Variants in RNF157 observed in about 807,000 individuals in gnomAD.
The protein encoded by RNF157 is E3 ubiquitin ligase RNF157.
In RNF157, 55 loss-of-function variants were observed where a neutral mutation model predicts 88.3. That is an observed-to-expected ratio of 0.62 (90% CI 0.50 to 0.78). The LOEUF is 0.78. Ranked by LOEUF, RNF157 falls within the 30% of genes least tolerant of loss-of-function variation. RNF157 has a pLI of 0.00. For synonymous variants in RNF157, 334 were observed against 341.2 expected (o/e 0.98, Z 0.23); for missense variants, 788 against 860.8 (o/e 0.92, Z 1.06).
chr17:76,211,708 CA>C (rs1459222012), intron 2 of RNF157, among the ~76,000 whole-genome samples: 1 of 152,198 alleles, frequency 6.6e-6, no homozygotes, highest in Non-Finnish European at 1.5e-5. Flanking sequence ...TCATATGGAA[CA>C]GGGGTCTCTA....
chr17:76,175,683 T>C (rs1335431474), intron 2 of RNF157: 1 of 864,336 alleles, frequency 1.2e-6, no homozygotes. Context: ...AAAATTTTTT[T>C]CTGGAGTAGC....
Position 76,176,560 on chromosome 17 carries a change from T to C in RNF157, c.208-2770A>G, listed in dbSNP as rs1350390602. 1.3e-5 allele frequency among the ~76,000 whole-genome samples: 2 copies of C among 152,216 alleles called. No individual in the cohort carries two copies. The highest frequency in any genetic ancestry group is 2.4e-5 in the African/African-American group (1 of 41,460). ...ATTGAGTGCTTACTATTGATGACAG[T>C]GGTGGGCTGTCCAGAGCAGCCGCTG... On this transcript the variant is annotated intron_variant, in intron 2 of 18. Transcript: ENST00000269391. This position sits in a 1 kb window ranked among gnomAD's most constrained non-coding sequence, Gnocchi z 4.2.
At chr17:76,167,600 G>A (rs1034551377) in intron 4 of RNF157, 51 bp downstream of exon 4, 1 of 1,610,814 alleles carries the variant, frequency 6.2e-7, no homozygotes. Flanking sequence ...CTCTTCCGTG[G>A]CCTGGTAATA....
At chr17:76,222,399 T>A (rs34435056) in intron 1 of RNF157, among the ~76,000 whole-genome samples, 45,661 of 151,606 alleles carry the variant, frequency 0.3, 7,526 homozygotes, top group East Asian at 0.46. Flanking sequence ...TGCAACACTG[T>A]GAATGTTCAA....
chr17:76,150,469 T>C (rs1007980816), intron 18 of RNF157, among the ~76,000 whole-genome samples: 6 of 152,112 alleles, frequency 3.9e-5, no homozygotes, highest in Admixed American at 3.3e-4. Flanking sequence ...CTAGCACTGT[T>C]GGCTAAAACA....
At position 76,216,915 on chromosome 17, in the gene RNF157, AAAAC is replaced by A. The variant is rs202036436; in HGVS notation, c.89-4437_89-4434del. ...CAAAAAAAAACAAAAACAAAAACAAAAAACAAACAAACAAACAAAAAACCCCATA... is the reference window on the plus strand; with the variant it reads ...CAAAAAAAAACAAAAACAAAAACAAAAAACAAACAAACAAAAAACCCCATA... On this transcript the variant is annotated intron_variant, in intron 1 of 18. Transcript: ENST00000269391. Among the ~76,000 whole-genome samples, 1,203 of 152,042 alleles carry A rather than the reference AAAAC, an allele frequency of 7.9e-3. 6 individuals are homozygous for A. Among genetic ancestry groups the A allele is most frequent in the Non-Finnish European group, 0.012 (834 of 67,962 alleles).
At chr17:76,211,032 C>T (rs2069789469) in intron 2 of RNF157, among the ~76,000 whole-genome samples, 1 of 152,120 alleles carries the variant, frequency 6.6e-6, no homozygotes, top group Non-Finnish European at 1.5e-5. Context: ...CTTGAGCTCC[C>T]AACCTCAGGT....
chr17:76,194,191 T>A (rs960488405), intron 2 of RNF157, among the ~76,000 whole-genome samples: 1 of 152,142 alleles, frequency 6.6e-6, no homozygotes, highest in Admixed American at 6.6e-5. Context: ...AACATTTCCA[T>A]TACCCCCACA....
intron 1 of RNF157, 120 bp from the exon 2 acceptor site, chr17:76,212,602 C>A: frequency 1.6e-6 from 1 of 633,486 alleles, no homozygotes; most frequent in South Asian, 1.9e-5. Flanking sequence ...TGGCTCACAC[C>A]TGTAATCCCA....
intron 12 of RNF157, 42 bp downstream of exon 12, chr17:76,159,293 C>CA: frequency 6.5e-7 from 1 of 1,547,542 alleles, no homozygotes; most frequent in South Asian, 1.1e-5. Context: ...AGCATTTCAT[C>CA]AAGGATTCCG....
At chr17:76,182,734 T>C (rs992524251) in intron 2 of RNF157, among the ~76,000 whole-genome samples, 6 of 139,522 alleles carry the variant, frequency 4.3e-5, no homozygotes, top group Non-Finnish European at 7.6e-5. Context: ...TTTGTTTTCA[T>C]TTGCTATTAG....
intron 2 of RNF157, among the ~76,000 whole-genome samples, chr17:76,181,709 AC>A (rs1022046383): frequency 5.9e-5 from 9 of 151,778 alleles, no homozygotes; most frequent in African/African-American, 2.2e-4. Context: ...AGAGTTTGAG[AC>A]CAGGCTGGCC....
intron 1 of RNF157, among the ~76,000 whole-genome samples, chr17:76,229,760 G>A (rs2070155704): frequency 6.6e-6 from 1 of 152,170 alleles, no homozygotes; most frequent in Non-Finnish European, 1.5e-5. Flanking sequence ...CACACTAAGG[G>A]TACGTATGGG....
At chr17:76,152,851 G>C (rs1010884448) in intron 17 of RNF157, among the ~76,000 whole-genome samples, 1 of 152,240 alleles carries the variant, frequency 6.6e-6, no homozygotes, top group African/African-American at 2.4e-5. Context: ...GCTCATGCCT[G>C]CATCTGCCTT....
At chr17:76,152,242 G>T in intron 18 of RNF157, 113 bp downstream of exon 18, 2 of 741,550 alleles carry the variant, frequency 2.7e-6, no homozygotes, top group Non-Finnish European at 2.4e-6. Flanking sequence ...GCACACCCCA[G>T]GCCTTCTTGG....
At chr17:76,208,941 T>G (rs1305075291) in intron 2 of RNF157, among the ~76,000 whole-genome samples, 1 of 150,640 alleles carries the variant, frequency 6.6e-6, no homozygotes, top group South Asian at 2.1e-4. Context: ...GCCACTGCAC[T>G]CCAGCTTGGG....
At chr17:76,227,505 G>A (rs975871768) in intron 1 of RNF157, among the ~76,000 whole-genome samples, 2 of 152,070 alleles carry the variant, frequency 1.3e-5, no homozygotes, top group Non-Finnish European at 2.9e-5. Flanking sequence ...CTTTGAAGAT[G>A]TTGCTATTTT....
At chr17:76,155,539 G>C in intron 15 of RNF157, 23 bp downstream of exon 15, 1 of 1,607,944 alleles carries the variant, frequency 6.2e-7, no homozygotes, top group Non-Finnish European at 8.5e-7. Flanking sequence ...AGAAGCCAGG[G>C]CGGTTCCCGT....
chr17:76,200,173 C>A (rs1201972845), intron 2 of RNF157, among the ~76,000 whole-genome samples: 1 of 151,476 alleles, frequency 6.6e-6, no homozygotes, highest in Non-Finnish European at 1.5e-5. Flanking sequence ...ACCTGGGAAG[C>A]GGAGCTTGCA....
Sources: gnomAD v4.1 joint callset for allele counts (sites outside exome capture counted in the v4.1 genomes callset) on GRCh38, gnomAD v4.1.1 for gene constraint, Gnocchi (gnomAD v3.1) non-coding constraint, MANE v1.5 for transcripts, NCBI Gene and HGNC (gene_info 2026-07-23, HGNC 2026-07-21) for gene names.